The following CDRT4 variants were observed in gnomAD, a reference collection of about 807,000 sequenced individuals.
The protein encoded by CDRT4 is CMT1A duplicated region transcript 4, also known as CMT1A duplicated region transcript 4 protein.
For missense variants in CDRT4, 167 were observed against 193.1 expected (o/e 0.87, Z 0.80); for synonymous variants, 64 against 69.6 (o/e 0.92, Z 0.40).
At chr17:15,460,123 T>G (rs1979681217) in intron 1 of CDRT4, among the ~76,000 whole-genome samples, 1 of 152,098 alleles carries the variant, frequency 6.6e-6, no homozygotes, top group Admixed American at 6.5e-5. Flanking sequence ...AGACATCTCC[T>G]CAAAGATAGT....
chr17:15,441,769 AT>A, intron 2 of CDRT4, among the ~76,000 whole-genome samples: 1 of 152,226 alleles, frequency 6.6e-6, no homozygotes, highest in Non-Finnish European at 1.5e-5. Flanking sequence ...TGTCAAACCT[AT>A]TTAGAGACAG....
intron 1 of CDRT4, among the ~76,000 whole-genome samples, chr17:15,457,654 C>G (rs1006658521): frequency 6.6e-6 from 1 of 152,216 alleles, no homozygotes; most frequent in African/African-American, 2.4e-5. Context: ...TCAAAGTAAA[C>G]ACTGGAATCC....
At chr17:15,446,970 C>T (rs934332223) in intron 2 of CDRT4, among the ~76,000 whole-genome samples, 1 of 152,212 alleles carries the variant, frequency 6.6e-6, no homozygotes, top group Non-Finnish European at 1.5e-5. Flanking sequence ...CTATCCTGAG[C>T]TCCAAACATT....
In CDRT4 at chr17:15,437,669, G is replaced by C; in HGVS notation, c.*104C>G. On this transcript the variant is annotated 3_prime_UTR_variant, in exon 4 of 4. Coordinates refer to ENST00000619038, the MANE Select transcript of CDRT4 (RefSeq NM_001204477.2). ...GAGCAAGAGCAAGTTCAGATTTAAAGGACACTGTCAAGTGAGTGGTAAATG... is the reference window on the plus strand; with the variant it reads ...GAGCAAGAGCAAGTTCAGATTTAAACGACACTGTCAAGTGAGTGGTAAATG... 8.4e-7 allele frequency: 1 copy of C among 1,191,026 alleles called. No individual in the cohort carries two copies. Among genetic ancestry groups the C allele is most frequent in the Non-Finnish European group, 1.2e-6 (1 of 842,810 alleles). The allele number at this position is 1,191,026 out of a possible 1,614,324, so 73.8% of individuals were successfully genotyped here.
chr17:15,452,392 C>T (rs1005326043), intron 2 of CDRT4: 4 of 152,224 alleles, frequency 2.6e-5, no homozygotes, highest in African/African-American at 9.7e-5. Flanking sequence ...AGGATTCACA[C>T]TTTGTTGAAA....
At chr17:15,440,318 C>T (rs1408732225) in intron 2 of CDRT4, 33 bp from the exon 3 acceptor site, 1 of 1,602,878 alleles carries the variant, frequency 6.2e-7, no homozygotes, top group Non-Finnish European at 8.5e-7. Context: ...GCCAGAGCCT[C>T]CTCAAACTGG....
rs1979335149 is a variant in CDRT4 at position 15,453,098 on chromosome 17, G to A, written c.-129-13C>T. 1 of 152,194 alleles carries A rather than the reference G, an allele frequency of 6.6e-6. No homozygotes were observed. Among genetic ancestry groups the A allele is most frequent in the African/African-American group, 2.4e-5 (1 of 41,446 alleles). The allele number at this position is 152,194 out of a possible 1,614,324, so 9.4% of individuals were successfully genotyped here. A position where few individuals can be genotyped will look rare whatever the true frequency, so the allele number is the denominator to read the frequency against. ...TTTCACTGGGTTCCTGAGAAACACA[G>A]AATGAGGAAGGTTAACTGGCAACAT... On this transcript the variant is annotated splice_polypyrimidine_tract_variant and intron_variant, in intron 1 of 3. Coordinates refer to ENST00000619038, the MANE Select transcript of CDRT4 (RefSeq NM_001204477.2).
At chr17:15,455,910 G>A (rs1227618306) in intron 1 of CDRT4, among the ~76,000 whole-genome samples, 1 of 152,172 alleles carries the variant, frequency 6.6e-6, no homozygotes, top group Non-Finnish European at 1.5e-5. Context: ...GCATACCCAG[G>A]TTCCTGGCCC....
chr17:15,443,732 G>C (rs540865058), intron 2 of CDRT4: 2 of 475,296 alleles, frequency 4.2e-6, no homozygotes, highest in Admixed American at 5.1e-5. Context: ...GGGCCCCAGA[G>C]GGACTTCAAT....
chr17:15,443,447 T>TTC (rs1491154579), intron 2 of CDRT4, among the ~76,000 whole-genome samples: 10 of 1,642 alleles, frequency 6.1e-3, no homozygotes, highest in Admixed American at 0.033. Flanking sequence ...AGCTGGATAA[T>TTC]TTTTTTTTTT....
In CDRT4 at chr17:15,436,397, C is replaced by T. The variant is rs1597452743; in HGVS notation, c.*1376G>A. 6.6e-6 allele frequency: 1 copy of T among 152,250 alleles called. No individual in the cohort carries two copies. Among genetic ancestry groups the T allele is most frequent in the Non-Finnish European group, 1.5e-5 (1 of 68,058 alleles). The allele number at this position is 152,250 out of a possible 1,614,324, so 9.4% of individuals were successfully genotyped here. On this transcript the variant is annotated 3_prime_UTR_variant, in exon 4 of 4. Transcript: ENST00000619038. ...ATTAACTGTCTTGCAAATACACATA[C>T]AGAAACTCAGGTAAGGTCAGCCTTA...
At chr17:15,440,079 T>G in intron 3 of CDRT4, 129 bp downstream of exon 3, 1 of 767,796 alleles carries the variant, frequency 1.3e-6, no homozygotes. Context: ...CCTAGAACTT[T>G]AAGTATAATA....
Position 15,440,189 on chromosome 17 carries a change from G to A in CDRT4, c.31+19C>T. On this transcript the variant is annotated intron_variant, in intron 3 of 3. Coordinates refer to ENST00000619038, the MANE Select transcript of CDRT4 (RefSeq NM_001204477.2). ...GGCCCCAGTGCAGGAGCTTCCACTG[G>A]TAACACTCCCAACCCTACCTTCTTC... The A allele has an allele frequency of 6.2e-7, 1 of 1,613,090 alleles. No homozygotes were observed. Among genetic ancestry groups the A allele is most frequent in the Non-Finnish European group, 8.5e-7 (1 of 1,179,810 alleles).
intron 2 of CDRT4, among the ~76,000 whole-genome samples, chr17:15,448,274 C>A (rs1017527216): frequency 6.6e-6 from 1 of 152,188 alleles, no homozygotes; most frequent in African/African-American, 2.4e-5. Flanking sequence ...TAAGGAACTG[C>A]ACATCCTCCA....
At chr17:15,449,973 T>A (rs2150791318) in intron 2 of CDRT4, among the ~76,000 whole-genome samples, 1 of 152,322 alleles carries the variant, frequency 6.6e-6, no homozygotes, top group South Asian at 2.1e-4. Context: ...GGTGGACACT[T>A]AGGTTGATTC....
intron 2 of CDRT4, chr17:15,444,036 C>A: frequency 2.3e-6 from 2 of 856,768 alleles, no homozygotes; most frequent in South Asian, 1.3e-5. Context: ...TTCAGTATCT[C>A]AAACCCAGAA....
chr17:15,455,487 T>C (rs564861579), intron 1 of CDRT4, among the ~76,000 whole-genome samples: 1 of 152,190 alleles, frequency 6.6e-6, no homozygotes, highest in South Asian at 2.1e-4. Flanking sequence ...TGAAATCCCC[T>C]CCCCTGAGTA....
intron 3 of CDRT4, 22 bp downstream of exon 3, chr17:15,440,186 C>A: frequency 1.9e-6 from 3 of 1,613,548 alleles, no homozygotes; most frequent in Non-Finnish European, 1.7e-6. Context: ...GGAGCTTCCA[C>A]TGGTAACACT....
At chr17:15,438,615 C>A (rs77039254) in intron 3 of CDRT4, among the ~76,000 whole-genome samples, 1 of 152,286 alleles carries the variant, frequency 6.6e-6, no homozygotes, top group African/African-American at 2.4e-5. Flanking sequence ...CTCCAAATTC[C>A]TACTCTACCC....
Sources: gnomAD v4.1 joint callset for allele counts (sites outside exome capture counted in the v4.1 genomes callset) on GRCh38, gnomAD v4.1.1 for gene constraint, MANE v1.5 for transcripts, NCBI Gene and HGNC (gene_info 2026-07-23, HGNC 2026-07-21) for gene names.